SASH1: variants seen among roughly 807,000 people sequenced by gnomAD.
The protein encoded by SASH1 is SAM and SH3 domain-containing protein 1.
SASH1 carries 44 observed loss-of-function variants against 125.2 expected under a neutral mutation model. The ratio of observed to expected loss-of-function variants is 0.35; its 90% CI spans 0.28 to 0.45. The LOEUF is 0.45. Among genes scored for constraint, SASH1 ranks in the 20% least tolerant of loss-of-function variants. The pLI, the probability that SASH1 is intolerant of heterozygous loss-of-function variation, is 1.00. For missense variants in SASH1, 1,426 were observed against 1,614.5 expected (o/e 0.88, Z 2.00); for synonymous variants, 639 against 649.1 (o/e 0.98, Z 0.24).
intron 1 of SASH1, among the ~76,000 whole-genome samples, chr6:148,273,641 A>G (rs1039172296): frequency 2.6e-5 from 4 of 152,112 alleles, no homozygotes; most frequent in African/African-American, 4.8e-5. Flanking sequence ...TTCATGAAAA[A>G]TAATTAAAGA....
In SASH1 at chr6:148,342,941, A is replaced by T; in HGVS notation, c.-127A>T. 1 of 868,240 alleles carries T rather than the reference A, an allele frequency of 1.2e-6. No homozygotes were observed. Among genetic ancestry groups the T allele is most frequent in the Non-Finnish European group, 1.4e-6 (1 of 722,800 alleles). The allele number at this position is 868,240 out of a possible 1,614,324, so 53.8% of individuals were successfully genotyped here. A position where few individuals can be genotyped will look rare whatever the true frequency, so the allele number is the denominator to read the frequency against. On this transcript the variant is annotated 5_prime_UTR_variant, in exon 1 of 20. An upstream start codon of the reference 5' UTR is lost. Coordinates refer to ENST00000367467, the MANE Select transcript of SASH1 (RefSeq NM_015278.5). The stretch of plus-strand genomic sequence containing the variant: ...GCGGGGTGGCCGGGGCCGCCGGGGC[A>T]TGCAGCGCGGGGGCGCGGCTCGGTG...
intron 1 of SASH1, among the ~76,000 whole-genome samples, chr6:148,333,239 A>G (rs1781044719): frequency 6.6e-6 from 1 of 151,858 alleles, no homozygotes; most frequent in Non-Finnish European, 1.5e-5. Context: ...TGTGTCTACA[A>G]AAAATAATAA....
At chr6:148,490,805 T>C (rs1387136207) in intron 8 of SASH1, among the ~76,000 whole-genome samples, 1 of 152,234 alleles carries the variant, frequency 6.6e-6, no homozygotes. Flanking sequence ...AAATTCTATG[T>C]GATCTGGCTT....
At chr6:148,463,365 G>A (rs1210666635) in intron 4 of SASH1, among the ~76,000 whole-genome samples, 7 of 152,076 alleles carry the variant, frequency 4.6e-5, no homozygotes, top group African/African-American at 1.4e-4. Context: ...GGCTGGACTC[G>A]AACTCCTGAC....
the SASH1 span, among the ~76,000 whole-genome samples, chr6:148,227,611 G>A: frequency 3.3e-5 from 5 of 152,170 alleles, no homozygotes; most frequent in Admixed American, 1.3e-4. Flanking sequence ...GCCTGCTTTG[G>A]CCTCCCAAAG....
intron 1 of SASH1, among the ~76,000 whole-genome samples, chr6:148,347,970 C>T (rs980041796): frequency 6.6e-6 from 1 of 152,132 alleles, no homozygotes; most frequent in Non-Finnish European, 1.5e-5. Flanking sequence ...TTGGCAAAGA[C>T]TAAGTCAATG....
intron 1 of SASH1, among the ~76,000 whole-genome samples, chr6:148,325,457 T>G (rs1384147636): frequency 6.6e-6 from 1 of 151,972 alleles, no homozygotes; most frequent in Non-Finnish European, 1.5e-5. Context: ...TTAAAATATT[T>G]TTAGCAGGAT....
At chr6:148,260,917 GC>G in the SASH1 span, among the ~76,000 whole-genome samples, 111 of 148,254 alleles carry the variant, frequency 7.5e-4, no homozygotes, top group African/African-American at 2.7e-3. Flanking sequence ...CGATTCTCCT[GC>G]CTCAGCCTCC....
the SASH1 span, among the ~76,000 whole-genome samples, chr6:148,234,652 C>G: frequency 6.6e-6 from 1 of 151,810 alleles, no homozygotes; most frequent in African/African-American, 2.4e-5. Flanking sequence ...ATGAGGAAAC[C>G]CCATCTCTAT....
chr6:148,294,242 A>T (rs1779706791), intron 1 of SASH1, among the ~76,000 whole-genome samples: 1 of 152,266 alleles, frequency 6.6e-6, no homozygotes, highest in South Asian at 2.1e-4. Context: ...AAGGCAGACA[A>T]GAATTCAAAT....
chr6:148,442,961 G>A (rs2115011501), intron 4 of SASH1, among the ~76,000 whole-genome samples: 1 of 151,588 alleles, frequency 6.6e-6, no homozygotes, highest in Non-Finnish European at 1.5e-5. Flanking sequence ...ATTTTAGTAG[G>A]GACAGGGTTT....
chr6:148,352,886 C>G (rs1013694877), intron 1 of SASH1, among the ~76,000 whole-genome samples: 2 of 151,904 alleles, frequency 1.3e-5, no homozygotes, highest in Admixed American at 6.6e-5. Context: ...GGGAGAATTG[C>G]TTGAACCTGG....
chr6:148,279,855 T>C (rs1387505213), intron 1 of SASH1, among the ~76,000 whole-genome samples: 1 of 151,620 alleles, frequency 6.6e-6, no homozygotes, highest in Non-Finnish European at 1.5e-5. Context: ...GGTGTGGTGG[T>C]GCATGCCTGT....
rs1172630781 is a variant in SASH1, at chr6:148,550,376, G to GA, written c.*1820dup. ...AAATAATTTCCCTTGGGTTGGAGGG[G>GA]AAGTGATTTCATAAATTAATTAGAA... On this transcript the variant is annotated 3_prime_UTR_variant, in exon 20 of 20. Transcript: ENST00000367467. The GA allele has an allele frequency of 6.6e-6, 1 of 152,146 alleles. No individual in the cohort carries two copies. The highest frequency in any genetic ancestry group is 1.5e-5 in the Non-Finnish European group (1 of 68,014). The allele number at this position is 152,146 out of a possible 1,614,324, so 9.4% of individuals were successfully genotyped here.
rs551502293 is a variant in SASH1, at chr6:148,548,676, G to A, written c.*118G>A. The A allele has an allele frequency of 6.5e-5, 82 of 1,262,226 alleles. No homozygotes were observed. The highest frequency in any genetic ancestry group is 6.4e-4 in the East Asian group (27 of 42,198). 78.2% of individuals were successfully genotyped at this position (1,262,226 alleles called of 1,614,324 possible). On this transcript the variant is annotated 3_prime_UTR_variant, in exon 20 of 20. Transcript: ENST00000367467. ...ACCAGATCCAGAAGAAAGGCCTGGC[G>A]TGTGGCCAAACAGCGTGAAACCTTG...
chr6:148,267,396 T>A (rs376329768), upstream of SASH1, among the ~76,000 whole-genome samples: 3 of 140,332 alleles, frequency 2.1e-5, no homozygotes, highest in African/African-American at 4.9e-5. Context: ...TGTGTGTGTG[T>A]GAGATGGAGT....
chr6:148,259,010 A>T, the SASH1 span, among the ~76,000 whole-genome samples: 1 of 152,210 alleles, frequency 6.6e-6, no homozygotes, highest in African/African-American at 2.4e-5. Flanking sequence ...TGCTCATTTC[A>T]TGGTTACCAT....
chr6:148,417,571 G>C (rs921369860), intron 2 of SASH1, among the ~76,000 whole-genome samples: 1 of 112,226 alleles, frequency 8.9e-6, no homozygotes, highest in South Asian at 2.5e-4. Flanking sequence ...GCAATAGAGC[G>C]GGACTCTGTC....
At position 148,307,064 on chromosome 6, in the gene SASH1, C is replaced by CTT. The variant is rs1206631992; in HGVS notation, n.74+34689_74+34690dup. ...TCTTTCTTTCTTTCTTTCTTTCTTT[C>CTT]TTTCTTTCTTTCTTTCTTTCTTTCT... On this transcript the variant is annotated intron_variant and non_coding_transcript_variant, in intron 1 of 3. Transcript: ENST00000367469. Among the ~76,000 whole-genome samples the CTT allele has an allele frequency of 1.2e-4, 18 of 146,704 alleles. No homozygotes were observed. The East Asian group carries it at 1.4e-3, about 11-fold the overall frequency.
Sources: allele counts gnomAD v4.1 joint callset (sites outside exome capture counted in the v4.1 genomes callset), GRCh38; gene constraint gnomAD v4.1.1; transcripts MANE v1.5; gene names NCBI Gene and HGNC (gene_info 2026-07-23, HGNC 2026-07-21).